The following SRSF11 variants were observed in gnomAD, a reference collection of about 807,000 sequenced individuals.
SRSF11 encodes the protein serine/arginine-rich splicing factor 11.
A neutral mutation model predicts 56.0 loss-of-function variants in SRSF11; 9 were observed. The ratio of observed to expected loss-of-function variants is 0.16; its 90% CI spans 0.10 to 0.28. SRSF11 has a LOEUF of 0.28. SRSF11 is among the 10% of genes least tolerant of loss of function. The pLI, the probability that SRSF11 is intolerant of heterozygous loss-of-function variation, is 1.00. For missense variants in SRSF11, 421 were observed against 600.7 expected (o/e 0.70, Z 3.13); for synonymous variants, 222 against 215.3 (o/e 1.03, Z -0.27).
chr1:70,210,157 G>GC (rs1278992839), intron 1 of SRSF11, among the ~76,000 whole-genome samples: 6 of 150,510 alleles, frequency 4.0e-5, no homozygotes, highest in African/African-American at 9.8e-5. Context: ...TTCTGCTCCC[G>GC]CCCCCCTTTT....
chr1:70,219,315 G>A (rs1670298107), upstream of SRSF11, among the ~76,000 whole-genome samples: 1 of 152,174 alleles, frequency 6.6e-6, no homozygotes, highest in Admixed American at 6.5e-5. Context: ...GACCCCAGAG[G>A]ATATCAAAAT....
At chr1:70,231,545 C>T in intron 2 of SRSF11, 1 of 1,076,818 alleles carries the variant, frequency 9.3e-7, no homozygotes, top group Non-Finnish European at 1.1e-6. Context: ...CATGGCGAAA[C>T]ATAAAGCATT....
chr1:70,220,159 A>T (rs1382805461), upstream of SRSF11, among the ~76,000 whole-genome samples: 2 of 152,250 alleles, frequency 1.3e-5, no homozygotes, highest in African/African-American at 4.8e-5. Context: ...ACATGTCAAT[A>T]ATAAATACAT....
chr1:70,238,045 A>G (rs560315737), intron 6 of SRSF11, among the ~76,000 whole-genome samples: 1 of 152,288 alleles, frequency 6.6e-6, no homozygotes, highest in African/African-American at 2.4e-5. Flanking sequence ...TTATCTGCCC[A>G]TATATATTTA....
At chr1:70,216,840 TC>T (rs1670051815), upstream of SRSF11, among the ~76,000 whole-genome samples, 1 of 152,332 alleles carries the variant, frequency 6.6e-6, no homozygotes, top group East Asian at 1.9e-4. Flanking sequence ...TGTGCATACT[TC>T]CTTCACTTTG....
chr1:70,231,530 T>G (rs944871034), intron 2 of SRSF11: 4 of 1,077,320 alleles, frequency 3.7e-6, no homozygotes, highest in Non-Finnish European at 2.3e-6. Context: ...ATGGTTAGCA[T>G]GGCACATGGC....
chr1:70,242,769 C>T (rs1675780912), intron 7 of SRSF11, among the ~76,000 whole-genome samples: 1 of 152,162 alleles, frequency 6.6e-6, no homozygotes, highest in South Asian at 2.1e-4. Context: ...TTGAAAACAA[C>T]TGTTTAATCT....
At chr1:70,247,657 A>AG (rs1175177187) in intron 9 of SRSF11, among the ~76,000 whole-genome samples, 1 of 152,178 alleles carries the variant, frequency 6.6e-6, no homozygotes, top group Non-Finnish European at 1.5e-5. Context: ...GTGGTTTCCT[A>AG]GATATGACTT....
At chr1:70,228,829 A>G in intron 2 of SRSF11, 1 of 1,107,788 alleles carries the variant, frequency 9.0e-7, no homozygotes, top group Non-Finnish European at 1.1e-6. Context: ...CCTGAGATAC[A>G]TCTACTTAGT....
intron 1 of SRSF11, among the ~76,000 whole-genome samples, chr1:70,214,196 A>G (rs1453925724): frequency 6.6e-6 from 1 of 152,072 alleles, no homozygotes; most frequent in Non-Finnish European, 1.5e-5. Context: ...ACTTTTTTTT[A>G]TTTTTTAAGA....
At chr1:70,240,773 T>C (rs1175807574) in intron 7 of SRSF11, among the ~76,000 whole-genome samples, 5 of 148,318 alleles carry the variant, frequency 3.4e-5, no homozygotes, top group Non-Finnish European at 7.5e-5. Context: ...CACTGGACTT[T>C]TTTTTTTTTT....
At chr1:70,217,952 CAG>C (rs745878201), upstream of SRSF11, among the ~76,000 whole-genome samples, 66 of 151,950 alleles carry the variant, frequency 4.3e-4, no homozygotes, top group African/African-American at 1.0e-3. Flanking sequence ...TGCTTGATGA[CAG>C]GGGTGGGTTT....
At chr1:70,247,561 A>C (rs568247311) in intron 9 of SRSF11, among the ~76,000 whole-genome samples, 2 of 152,092 alleles carry the variant, frequency 1.3e-5, no homozygotes, top group Non-Finnish European at 2.9e-5. Context: ...AAAATAACTG[A>C]AATGTATAAA....
intron 3 of SRSF11, 27 bp downstream of exon 3, chr1:70,232,404 G>A: frequency 1.3e-6 from 2 of 1,562,742 alleles, no homozygotes; most frequent in South Asian, 1.2e-5. Flanking sequence ...ATTCTTAAAG[G>A]GTGGGGAAAA....
chr1:70,206,150 G>A (rs1215329221), intron 1 of SRSF11, among the ~76,000 whole-genome samples: 1 of 152,160 alleles, frequency 6.6e-6, no homozygotes, highest in Non-Finnish European at 1.5e-5. Flanking sequence ...CAACATAGAA[G>A]ACAAAAACAA....
chr1:70,244,875 CT>C, intron 8 of SRSF11, 60 bp downstream of exon 8: 1 of 1,528,014 alleles, frequency 6.5e-7, no homozygotes, highest in East Asian at 2.3e-5. Flanking sequence ...TACTGTGCTA[CT>C]TAGTAACAAA....
intron 8 of SRSF11, 46 bp downstream of exon 8, chr1:70,244,861 C>G (rs755337044): frequency 2.5e-6 from 4 of 1,593,954 alleles, no homozygotes; most frequent in South Asian, 1.1e-5. Flanking sequence ...CCCAGTACCC[C>G]TAGTACTGTG....
At chr1:70,245,276 TC>T (rs1359868770) in intron 8 of SRSF11, among the ~76,000 whole-genome samples, 1 of 152,190 alleles carries the variant, frequency 6.6e-6, no homozygotes, top group East Asian at 1.9e-4. Flanking sequence ...TAGAAGCAAC[TC>T]TATATTTGGC....
chr1:70,249,176 G>T (rs1388236829), intron 9 of SRSF11: 1 of 152,156 alleles, frequency 6.6e-6, no homozygotes, highest in African/African-American at 2.4e-5. Context: ...TTTTGCTAGA[G>T]TATAAGGTTT....
Sources: gnomAD v4.1 joint callset for allele counts (sites outside exome capture counted in the v4.1 genomes callset) on GRCh38, gnomAD v4.1.1 for gene constraint, MANE v1.5 for transcripts, NCBI Gene and HGNC (gene_info 2026-07-23, HGNC 2026-07-21) for gene names.